MEOX2: variants seen among roughly 807,000 people sequenced by gnomAD.
MEOX2 encodes mesenchyme homeobox 2, also known as homeobox protein MOX-2.
In MEOX2, 11 loss-of-function variants were observed where a neutral mutation model predicts 27.0. That is an observed-to-expected ratio of 0.41 (90% confidence interval 0.26 to 0.68). MEOX2 has a LOEUF of 0.68. MEOX2 is among the 30% of genes least tolerant of loss of function. The pLI is 0.33. For synonymous variants in MEOX2, 189 were observed against 155.4 expected (o/e 1.22, Z -1.61); for missense variants, 436 against 385.4 (o/e 1.13, Z -1.10).
intron 1 of MEOX2, among the ~76,000 whole-genome samples, chr7:15,669,801 C>G (rs1357097514): frequency 1.3e-5 from 2 of 152,286 alleles, no homozygotes; most frequent in African/African-American, 2.4e-5. Flanking sequence ...ACCTGACTTG[C>G]GATTCTGGAA....
chr7:15,661,963 A>C (rs1583778333), intron 1 of MEOX2, among the ~76,000 whole-genome samples: 1 of 152,218 alleles, frequency 6.6e-6, no homozygotes, highest in East Asian at 1.9e-4. Flanking sequence ...AATAAAATAA[A>C]CTTGTTTTGT....
In MEOX2 at chr7:15,686,170, T is replaced by TC; in HGVS notation, c.232_233insG (p.His78ArgfsTer126). On this transcript the variant is annotated frameshift_variant, in exon 1 of 3. Transcript: ENST00000262041. LOFTEE classifies it high-confidence loss of function. ...CTGGTGCTGCTGCTGCTGATGGTGGTGATGGTGGTGGTGGTGGTGGTGGTG... is the reference window on the plus strand; with the variant it reads ...CTGGTGCTGCTGCTGCTGATGGTGGTCGATGGTGGTGGTGGTGGTGGTGGTG... 1 of 1,531,864 alleles carries TC rather than the reference T, an allele frequency of 6.5e-7. No individual in the cohort carries two copies. Among genetic ancestry groups the TC allele is most frequent in the Non-Finnish European group, 8.7e-7 (1 of 1,147,538 alleles). 94.9% of individuals were successfully genotyped at this position (1,531,864 alleles called of 1,614,324 possible).
At chr7:15,661,505 G>C (rs921022801) in intron 1 of MEOX2, among the ~76,000 whole-genome samples, 5 of 152,182 alleles carry the variant, frequency 3.3e-5, no homozygotes, top group African/African-American at 1.2e-4. Context: ...GTTTTTAGAA[G>C]TTCATCACTT....
chr7:15,643,277 T>A (rs1184263432), intron 1 of MEOX2, among the ~76,000 whole-genome samples: 3 of 152,104 alleles, frequency 2.0e-5, no homozygotes, highest in Non-Finnish European at 4.4e-5. Flanking sequence ...AGGGTGGGGC[T>A]GGGGCTCCTG....
chr7:15,680,177 G>T (rs1293800054), intron 1 of MEOX2: 1 of 151,678 alleles, frequency 6.6e-6, no homozygotes, highest in African/African-American at 2.4e-5. Flanking sequence ...TGTTAATTTG[G>T]TAATAAATAA....
intron 1 of MEOX2, among the ~76,000 whole-genome samples, chr7:15,657,914 T>C (rs1781849361): frequency 6.6e-6 from 1 of 152,162 alleles, no homozygotes; most frequent in Non-Finnish European, 1.5e-5. Flanking sequence ...AGCAGGCTCC[T>C]TAGTGCTACC....
Position 15,686,335 on chromosome 7 carries a change from G to T in MEOX2, c.68C>A (p.Ser23Tyr), listed in dbSNP as rs931682642. The part of the protein sequence containing the change: ...HATAQGLHPF[S>Y]QSSLALHGRS... ...TCCATGGAGGGCGAGAGAGGATTGG[G>T]AGAACGGGTGCAAGCCTTGCGCCGT... Residue 23 changes from serine to tyrosine, a missense_variant, in exon 1 of 3, where the codon TCC (serine) becomes TAC (tyrosine). Physicochemically the swap from Ser to Tyr is moderately radical, Grantham distance 144. Transcript: ENST00000262041. 8 of 1,601,990 alleles carry T rather than the reference G, an allele frequency of 5.0e-6. No homozygotes were observed. In the African/African-American group the frequency reaches 9.4e-5, roughly 19 times the overall value.
intron 1 of MEOX2, among the ~76,000 whole-genome samples, chr7:15,662,385 T>G (rs1219239243): frequency 2.0e-5 from 3 of 152,098 alleles, no homozygotes; most frequent in Non-Finnish European, 4.4e-5. Flanking sequence ...TTGAGACAAT[T>G]CTACTTATAG....
Position 15,686,095 on chromosome 7 carries a change from G to T in MEOX2, c.308C>A (p.Ala103Glu). The change falls in exon 1 of 3, where the codon GCG becomes GAG. Residue 103 changes from alanine to glutamate, a missense_variant. Physicochemically the swap from Ala to Glu is moderately radical, Grantham distance 107 (BLOSUM62 -1). Transcript: ENST00000262041. The stretch of plus-strand genomic sequence containing the variant: ...CTGGAGGCAGAGGCTGTGCCGAGCC[G>T]CACTCGGTGGGGAAGACATCTGCGG... Reference protein sequence around the residue: ...HLPQMSSPPSAARHSLCLQPD... With the variant: ...HLPQMSSPPSEARHSLCLQPD... 1 of 1,585,862 alleles carries T rather than the reference G, an allele frequency of 6.3e-7. No individual in the cohort carries two copies. The highest frequency in any genetic ancestry group is 8.6e-7 in the Non-Finnish European group (1 of 1,167,570).
chr7:15,658,114 T>C (rs374675197), intron 1 of MEOX2, among the ~76,000 whole-genome samples: 2 of 152,388 alleles, frequency 1.3e-5, no homozygotes, highest in South Asian at 4.1e-4. Flanking sequence ...TCGTTAACAC[T>C]GTGTGGTTCT....
chr7:15,657,722 A>G (rs1190296262), intron 1 of MEOX2, among the ~76,000 whole-genome samples: 1 of 152,210 alleles, frequency 6.6e-6, no homozygotes, highest in Non-Finnish European at 1.5e-5. Flanking sequence ...AGATGCAATG[A>G]TGGTCACTCT....
intron 1 of MEOX2, among the ~76,000 whole-genome samples, chr7:15,630,455 G>T (rs1052839743): frequency 1.3e-5 from 2 of 152,012 alleles, no homozygotes; most frequent in Non-Finnish European, 2.9e-5. Flanking sequence ...ATAAAAGTAC[G>T]ATTGAGAATA....
intron 1 of MEOX2, among the ~76,000 whole-genome samples, chr7:15,675,815 G>A (rs540046018): frequency 3.3e-4 from 50 of 152,104 alleles, no homozygotes; most frequent in African/African-American, 9.4e-4. Context: ...GTGTATTATC[G>A]GACATTTAAT....
chr7:15,675,112 C>T (rs79382410), intron 1 of MEOX2, among the ~76,000 whole-genome samples: 1 of 152,046 alleles, frequency 6.6e-6, no homozygotes, highest in African/African-American at 2.4e-5. Flanking sequence ...AAACAAAAAA[C>T]AGATACTTCA....
At chr7:15,647,175 G>C (rs1011099311) in intron 1 of MEOX2, among the ~76,000 whole-genome samples, 3 of 152,000 alleles carry the variant, frequency 2.0e-5, no homozygotes, top group Non-Finnish European at 4.4e-5. Flanking sequence ...TAGATATCAT[G>C]CCTTAAAAAT....
intron 1 of MEOX2, among the ~76,000 whole-genome samples, chr7:15,678,266 T>G (rs1400608503): frequency 1.3e-5 from 2 of 152,230 alleles, no homozygotes; most frequent in Non-Finnish European, 2.9e-5. Flanking sequence ...GACCTCATTT[T>G]ATCTTTGAAT....
chr7:15,656,339 T>A (rs190366279), intron 1 of MEOX2, among the ~76,000 whole-genome samples: 1 of 151,936 alleles, frequency 6.6e-6, no homozygotes, highest in Non-Finnish European at 1.5e-5. Context: ...GCTATGTTTT[T>A]AGGCCACTAA....
chr7:15,684,174 A>G (rs564044846), intron 1 of MEOX2, among the ~76,000 whole-genome samples: 4 of 152,180 alleles, frequency 2.6e-5, no homozygotes, highest in Non-Finnish European at 5.9e-5. Flanking sequence ...ACAATCTATC[A>G]TGTAGGTTTC....
At chr7:15,679,244 A>T (rs1782254106) in intron 1 of MEOX2, 1 of 152,020 alleles carries the variant, frequency 6.6e-6, no homozygotes, top group African/African-American at 2.4e-5. Context: ...TATAAAGTAA[A>T]CGCCTTCTTT....
Sources: allele counts gnomAD v4.1 joint callset (sites outside exome capture counted in the v4.1 genomes callset), GRCh38; gene constraint gnomAD v4.1.1; transcripts MANE v1.5; gene names NCBI Gene and HGNC (gene_info 2026-07-23, HGNC 2026-07-21).